THSD7A: variants seen among roughly 807,000 people sequenced by gnomAD.
THSD7A encodes the protein thrombospondin type 1 domain containing 7A, also known as thrombospondin type-1 domain-containing protein 7A.
Under a neutral mutation model 231.3 loss-of-function variants are expected in THSD7A, and 96 were observed. The observed-to-expected ratio is 0.41, with a 90% CI of 0.35 to 0.49. The LOEUF (loss-of-function observed/expected upper bound fraction) is 0.49. Ranked by LOEUF, THSD7A falls within the 20% of genes least tolerant of loss-of-function variation. The pLI, the probability that THSD7A is intolerant of heterozygous loss-of-function variation, is 0.05. For synonymous variants in THSD7A, 940 were observed against 743.3 expected (o/e 1.26, Z -4.30); for missense variants, 2,290 against 2,070.2 (o/e 1.11, Z -2.06).
intron 1 of THSD7A, chr7:11,820,620 T>C: frequency 1.3e-6 from 1 of 744,070 alleles, no homozygotes; most frequent in Non-Finnish European, 2.4e-6. Flanking sequence ...GGCTTGAAAT[T>C]GAAAGTTTCC....
intron 1 of THSD7A, among the ~76,000 whole-genome samples, chr7:11,681,825 A>G (rs1783882459): frequency 6.6e-6 from 1 of 151,894 alleles, no homozygotes; most frequent in Admixed American, 6.6e-5. Context: ...TTCCAATTTC[A>G]AATGAAAAAA....
intron 1 of THSD7A, chr7:11,820,447 A>G: frequency 7.6e-7 from 1 of 1,310,028 alleles, no homozygotes. Flanking sequence ...TGATTTCCAG[A>G]ACATGAACCG....
At chr7:11,398,022 A>G (rs1371598948) in intron 23 of THSD7A, among the ~76,000 whole-genome samples, 6 of 152,138 alleles carry the variant, frequency 3.9e-5, no homozygotes, top group African/African-American at 1.4e-4. Flanking sequence ...TGGACCCAGC[A>G]ATCCCATTAC....
chr7:11,382,750 C>G, intron 23 of THSD7A, 134 bp from the exon 24 acceptor site: 1 of 744,940 alleles, frequency 1.3e-6, no homozygotes, highest in South Asian at 1.8e-5. Flanking sequence ...ATTTATTGTC[C>G]TGAAGTTGCC....
intron 23 of THSD7A, among the ~76,000 whole-genome samples, chr7:11,391,299 G>GAGAGGAGGAATCTAGA (rs1307689857): frequency 6.6e-6 from 1 of 152,194 alleles, no homozygotes; most frequent in East Asian, 1.9e-4. Flanking sequence ...GCCCTGCCCA[G>GAGAGGAGGAATCTAGA]AGAGGAGGAA....
At chr7:11,721,408 T>A (rs977496424) in intron 1 of THSD7A, among the ~76,000 whole-genome samples, 1 of 151,788 alleles carries the variant, frequency 6.6e-6, no homozygotes, top group Non-Finnish European at 1.5e-5. Context: ...ACTTTTGGTC[T>A]CTTTCCTCCT....
At chr7:11,817,922 T>C (rs116085058) in intron 1 of THSD7A, among the ~76,000 whole-genome samples, 2,141 of 152,276 alleles carry the variant, frequency 0.014, 50 homozygotes, top group African/African-American at 0.049. Context: ...CATATATTTA[T>C]TTAACTAGTT....
At chr7:11,669,798 A>T (rs1783301347) in intron 1 of THSD7A, among the ~76,000 whole-genome samples, 1 of 152,118 alleles carries the variant, frequency 6.6e-6, no homozygotes, top group Non-Finnish European at 1.5e-5. Context: ...AAATTAGGAA[A>T]AAGACATGCT....
At chr7:11,470,061 C>G in intron 8 of THSD7A, 67 bp from the exon 9 acceptor site, 1 of 1,168,202 alleles carries the variant, frequency 8.6e-7, no homozygotes, top group Non-Finnish European at 1.2e-6. Context: ...TTTAATTTCT[C>G]TAGAATTTTC....
intron 6 of THSD7A, among the ~76,000 whole-genome samples, chr7:11,504,200 A>G (rs1020480938): frequency 6.6e-6 from 1 of 152,206 alleles, no homozygotes; most frequent in African/African-American, 2.4e-5. Context: ...TCAGAAAGCT[A>G]ATGCAGGAAC....
chr7:11,596,948 T>C (rs1301416425), intron 2 of THSD7A, among the ~76,000 whole-genome samples: 1 of 152,256 alleles, frequency 6.6e-6, no homozygotes, highest in African/African-American at 2.4e-5. Context: ...AGTATACCTT[T>C]ACTGTCCTAC....
At chr7:11,737,232 G>A (rs1781946676) in intron 1 of THSD7A, among the ~76,000 whole-genome samples, 1 of 152,008 alleles carries the variant, frequency 6.6e-6, no homozygotes, top group East Asian at 1.9e-4. Context: ...GAATACAAGA[G>A]GACTGGGAAG....
intron 1 of THSD7A, among the ~76,000 whole-genome samples, chr7:11,725,630 C>T (rs560929175): frequency 6.6e-6 from 1 of 152,018 alleles, no homozygotes; most frequent in East Asian, 2.0e-4. Context: ...AATAAACTGT[C>T]ATGTATTTTA....
intron 1 of THSD7A, among the ~76,000 whole-genome samples, chr7:11,802,813 T>C (rs1784311756): frequency 6.6e-6 from 1 of 152,186 alleles, no homozygotes; most frequent in South Asian, 2.1e-4. Context: ...AATCCATCCA[T>C]GCAGATTTAA....
intron 23 of THSD7A, among the ~76,000 whole-genome samples, chr7:11,397,927 C>A (rs574187812): frequency 2.0e-5 from 3 of 152,264 alleles, no homozygotes; most frequent in African/African-American, 7.2e-5. Flanking sequence ...TGTGGAGAAA[C>A]AGGAATGCTT....
chr7:11,772,647 A>G (rs1783271587), intron 1 of THSD7A, among the ~76,000 whole-genome samples: 1 of 152,208 alleles, frequency 6.6e-6, no homozygotes, highest in Non-Finnish European at 1.5e-5. Context: ...TTACTTAAAA[A>G]TGGGAGCTAA....
chr7:11,797,351 T>TTCCC (rs1461344689), intron 1 of THSD7A, among the ~76,000 whole-genome samples: 9 of 151,452 alleles, frequency 5.9e-5, no homozygotes, highest in South Asian at 2.1e-4. Context: ...TTTTCTTTCC[T>TTCCC]TCCCTCCCTC....
At chr7:11,562,253 A>C (rs1295830297) in intron 4 of THSD7A, among the ~76,000 whole-genome samples, 1 of 150,698 alleles carries the variant, frequency 6.6e-6, no homozygotes, top group South Asian at 2.1e-4. Flanking sequence ...ACATTTTTAA[A>C]ATTTTTCTAA....
intron 2 of THSD7A, among the ~76,000 whole-genome samples, chr7:11,614,585 G>C (rs1426677316): frequency 6.6e-6 from 1 of 152,178 alleles, no homozygotes; most frequent in East Asian, 1.9e-4. Flanking sequence ...TGAATAGCTG[G>C]ATATTCTAGC....
Sources: allele counts gnomAD v4.1 joint callset (sites outside exome capture counted in the v4.1 genomes callset), GRCh38; gene constraint gnomAD v4.1.1; transcripts MANE v1.5; gene names NCBI Gene and HGNC (gene_info 2026-07-23, HGNC 2026-07-21).